The following LRP2 variants were observed in gnomAD, a reference collection of about 807,000 sequenced individuals.
LRP2 encodes LDL receptor related protein 2, also known as low-density lipoprotein receptor-related protein 2.
LRP2 carries 172 observed loss-of-function variants against 531.0 expected under a neutral mutation model. The observed-to-expected ratio is 0.32, with a 90% CI of 0.29 to 0.37. The LOEUF is 0.37. Among genes scored for constraint, LRP2 ranks in the 10% least tolerant of loss-of-function variants. The pLI is 1.00. For synonymous variants in LRP2, 1,992 were observed against 2,027.6 expected (o/e 0.98, Z 0.47); for missense variants, 5,167 against 5,868.3 (o/e 0.88, Z 3.90).
rs759359594 is a variant in LRP2, at chr2:169,128,619, G to A, written c.*44C>T. On this transcript the variant is annotated 3_prime_UTR_variant, in exon 79 of 79. Transcript: ENST00000649046. ...TTTCATCTGTTTGTAAAAAATATATGTGCAAAAGTGTGTTTCTAATTATTC... is the reference window on the plus strand; with the variant it reads ...TTTCATCTGTTTGTAAAAAATATATATGCAAAAGTGTGTTTCTAATTATTC... The A allele has an allele frequency of 1.3e-6, 2 of 1,562,968 alleles. No individual in the cohort carries two copies. Among genetic ancestry groups the A allele is most frequent in the East Asian group, 4.5e-5 (2 of 44,628 alleles).
At chr2:169,182,625 G>A in intron 50 of LRP2, 1 of 985,376 alleles carries the variant, frequency 1.0e-6, no homozygotes, top group Non-Finnish European at 1.2e-6. Flanking sequence ...CCCTCTCCAG[G>A]CAGTGCAAAG....
At chr2:169,199,853 A>G (rs563025592) in intron 44 of LRP2, among the ~76,000 whole-genome samples, 28 of 152,368 alleles carry the variant, frequency 1.8e-4, no homozygotes, top group Non-Finnish European at 2.9e-4. Context: ...TAAAACAACT[A>G]AATGTCAAGA....
At chr2:169,173,012 A>G in intron 57 of LRP2, 84 bp downstream of exon 57, 11 of 1,407,972 alleles carry the variant, frequency 7.8e-6, no homozygotes, top group African/African-American at 1.4e-5. Flanking sequence ...CATGGGAAAT[A>G]CACTCTCATC....
chr2:169,330,829 T>A (rs535623263), intron 1 of LRP2, among the ~76,000 whole-genome samples: 74 of 151,970 alleles, frequency 4.9e-4, no homozygotes, highest in Non-Finnish European at 8.4e-4. Flanking sequence ...AAAATTATCT[T>A]AGCCCACATG....
intron 44 of LRP2, 63 bp from the exon 45 acceptor site, chr2:169,198,974 A>C (rs973574598): frequency 8.4e-6 from 13 of 1,551,522 alleles, no homozygotes; most frequent in Non-Finnish European, 8.8e-6. Context: ...TATGAACAGT[A>C]TCCGTGCTAA....
intron 1 of LRP2, 137 bp downstream of exon 1, chr2:169,362,184 C>A: frequency 1.5e-6 from 1 of 677,536 alleles, no homozygotes; most frequent in South Asian, 2.1e-5. Context: ...CCTGAGCGCC[C>A]CACCGGGAGC....
At chr2:169,355,302 A>G (rs1246153153) in intron 1 of LRP2, among the ~76,000 whole-genome samples, 1 of 152,202 alleles carries the variant, frequency 6.6e-6, no homozygotes, top group Admixed American at 6.5e-5. Context: ...GCTCTTGAGA[A>G]ATTTCTGTAG....
chr2:169,182,178 G>C lies in LRP2; in HGVS notation c.9987C>G (p.His3329Gln), dbSNP rs750305015. ...CAGGGAGACAATACCCATATTGAGG[G>C]TGAAGGGCAAGTCCTCTGGGATTAT... ...CFDNPRGLAL[H>Q]PQYGYLYWAD... Residue 3329 changes from histidine to glutamine, a missense_variant, in exon 51 of 79, where the codon CAC (histidine) becomes CAG (glutamine). Physicochemically the swap from His to Gln is conservative, Grantham distance 24. This residue lies in a region of LRP2 where 1,129 missense variants were observed against 1,362.7 expected (regional missense o/e 0.83). Transcript: ENST00000649046. The C allele has an allele frequency of 2.3e-5, 37 of 1,614,000 alleles. 1 individual carries two copies. The South Asian group carries it at 4.1e-4, about 18-fold the overall frequency.
At chr2:169,142,315 A>T (rs759040302) in intron 71 of LRP2, among the ~76,000 whole-genome samples, 1 of 152,214 alleles carries the variant, frequency 6.6e-6, no homozygotes, top group Non-Finnish European at 1.5e-5. Context: ...CTCTACCCTG[A>T]GGAGCTACAA....
At chr2:169,184,141 G>A (rs1687540968) in intron 50 of LRP2, among the ~76,000 whole-genome samples, 1 of 152,072 alleles carries the variant, frequency 6.6e-6, no homozygotes, top group Non-Finnish European at 1.5e-5. Flanking sequence ...AGGGCTGAAT[G>A]ACAATGTCTT....
At chr2:169,285,702 G>A (rs1043302584) in intron 9 of LRP2, among the ~76,000 whole-genome samples, 18 of 152,066 alleles carry the variant, frequency 1.2e-4, no homozygotes, top group Admixed American at 7.9e-4. Context: ...TCTGCACCAC[G>A]ATGTCATTCT....
intron 19 of LRP2, among the ~76,000 whole-genome samples, chr2:169,254,915 G>A (rs888613857): frequency 2.6e-5 from 4 of 151,866 alleles, no homozygotes; most frequent in African/African-American, 4.8e-5. Context: ...GGAGGGGGAC[G>A]GGAGGAGTAT....
Position 169,231,701 on chromosome 2 carries a change from G to A in LRP2, c.5227+13C>T. ...GCTCCATCTTCAGAGCTCACATAAG[G>A]AGCATACTATACCTCTCAAGCAATT... On this transcript the variant is annotated intron_variant, in intron 31 of 78. Transcript: ENST00000649046. The A allele has an allele frequency of 3.7e-6, 6 of 1,613,664 alleles. No homozygotes were observed. The highest frequency in any genetic ancestry group is 2.2e-5 in the East Asian group (1 of 44,858).
At chr2:169,293,418 A>G (rs1308804222) in intron 6 of LRP2, among the ~76,000 whole-genome samples, 2 of 152,122 alleles carry the variant, frequency 1.3e-5, no homozygotes, top group East Asian at 1.9e-4. Flanking sequence ...GCTCATACCC[A>G]TAATACCAGC....
chr2:169,209,040 T>G (rs886847035), intron 38 of LRP2, among the ~76,000 whole-genome samples: 1 of 152,182 alleles, frequency 6.6e-6, no homozygotes, highest in Non-Finnish European at 1.5e-5. Flanking sequence ...AATTAAGAAT[T>G]TGGCAACTAA....
At chr2:169,291,056 T>A in intron 7 of LRP2, 59 bp from the exon 8 acceptor site, 1 of 1,503,770 alleles carries the variant, frequency 6.6e-7, no homozygotes, top group Non-Finnish European at 9.2e-7. Flanking sequence ...AGCTCTTTGT[T>A]AATCAGTGGT....
At chr2:169,174,310 A>G in intron 55 of LRP2, 146 bp from the exon 56 acceptor site, 2 of 918,170 alleles carry the variant, frequency 2.2e-6, no homozygotes, top group South Asian at 3.0e-5. Flanking sequence ...GTACTACTAC[A>G]TGGAGCACTT....
chr2:169,147,184 G>T (rs1478808559), intron 68 of LRP2, among the ~76,000 whole-genome samples: 1 of 152,164 alleles, frequency 6.6e-6, no homozygotes, highest in Non-Finnish European at 1.5e-5. Context: ...ATAGAAATTG[G>T]CCGAAGGATG....
Position 169,241,152 on chromosome 2 carries a change from T to C in LRP2, c.3881A>G (p.Asn1294Ser), listed in dbSNP as rs1454286984. Residue 1294 changes from asparagine to serine, a missense_variant, in exon 25 of 79, where the codon AAT becomes AGT. Asn to Ser is a conservative substitution (Grantham distance 46). Around this residue, in one of 6 missense-constraint regions of LRP2, gnomAD observed 2,811 missense variants for 3,058.0 expected, o/e 0.92. Coordinates refer to ENST00000649046, the MANE Select transcript of LRP2 (RefSeq NM_004525.3). ...CTCATCACTCATATCCCCGCAGTCA[T>C]TGTCCCGATCACAGAGCCATGCCCT... ...IHRAWLCDRD[N>S]DCGDMSDEKD... 1.2e-6 allele frequency: 2 copies of C among 1,614,180 alleles called. No individual in the cohort carries two copies. Among genetic ancestry groups the C allele is most frequent in the Non-Finnish European group, 1.7e-6 (2 of 1,180,028 alleles).
Sources: gnomAD v4.1 joint callset for allele counts (sites outside exome capture counted in the v4.1 genomes callset) on GRCh38, gnomAD v4.1.1 for gene constraint, gnomAD v4.1.1 regional missense constraint, MANE v1.5 for transcripts, NCBI Gene and HGNC (gene_info 2026-07-23, HGNC 2026-07-21) for gene names.